The following PPP1R12B variants were observed in gnomAD, a reference collection of about 807,000 sequenced individuals.
PPP1R12B encodes the protein protein phosphatase 1 regulatory subunit 12B, also known as myosin phosphatase target subunit 2.
Under a neutral mutation model 126.1 loss-of-function variants are expected in PPP1R12B, and 76 were observed. The ratio of observed to expected loss-of-function variants is 0.60; its 90% CI spans 0.50 to 0.73. The LOEUF (loss-of-function observed/expected upper bound fraction) is 0.73. PPP1R12B is among the 30% of genes least tolerant of loss of function. The pLI, the probability that PPP1R12B is intolerant of heterozygous loss-of-function variation, is 0.00. For synonymous variants in PPP1R12B, 356 were observed against 434.7 expected, an observed-to-expected ratio of 0.82 and a Z score of 2.25; for missense variants, 1,052 against 1,205.1, an observed-to-expected ratio of 0.87 and a Z score of 1.88.
intron 12 of PPP1R12B, chr1:202,448,323 AGTCTGTGGT>A (rs1166882305): frequency 6.6e-6 from 1 of 152,210 alleles, no homozygotes; most frequent in Non-Finnish European, 1.5e-5. Context: ...GCTGTTGAAA[AGTCTGTGGT>A]TAAGGATACT....
intron 21 of PPP1R12B, among the ~76,000 whole-genome samples, chr1:202,566,050 A>G (rs1179195926): frequency 6.6e-6 from 1 of 152,202 alleles, no homozygotes; most frequent in Non-Finnish European, 1.5e-5. Context: ...TTTACAGAAA[A>G]TTAAAGAGCA....
chr1:202,370,828 G>T (rs9793138), intron 1 of PPP1R12B, among the ~76,000 whole-genome samples: 1 of 151,864 alleles, frequency 6.6e-6, no homozygotes. Context: ...ATCAGCCATC[G>T]TGCCCGGCTG....
chr1:202,528,088 A>G (rs1325517686), intron 18 of PPP1R12B, among the ~76,000 whole-genome samples: 1 of 152,186 alleles, frequency 6.6e-6, no homozygotes, highest in Non-Finnish European at 1.5e-5. Flanking sequence ...CTCAGTCGGT[A>G]TTATGACCAA....
At chr1:202,463,562 G>A (rs1314088856) in intron 13 of PPP1R12B, among the ~76,000 whole-genome samples, 1 of 152,190 alleles carries the variant, frequency 6.6e-6, no homozygotes, top group Admixed American at 6.5e-5. Context: ...AGGTGAAGGG[G>A]CAGATTGCAA....
intron 10 of PPP1R12B, chr1:202,438,722 C>G: frequency 1.5e-6 from 1 of 663,032 alleles, no homozygotes; most frequent in Admixed American, 2.1e-5. Flanking sequence ...GGTTACCGTG[C>G]ATTTTGCAGA....
Position 202,357,465 on chromosome 1 carries a change from G to T in PPP1R12B, c.291+8323G>T, listed in dbSNP as rs562549168. Among the ~76,000 whole-genome samples the T allele has an allele frequency of 9.8e-4, 149 of 152,086 alleles. 2 individuals carry two copies. The highest frequency in any genetic ancestry group is 3.5e-3 in the African/African-American group (145 of 41,498). ...CTTGTCTTTCTGTTGACTTTTGGGA[G>T]AAAAAATATAGATTTTCCATCAATA... is the stretch of plus-strand genomic sequence containing the variant. On this transcript the variant is annotated intron_variant, in intron 1 of 23. Transcript: ENST00000608999.
At chr1:202,435,724 A>G (rs1193596378) in intron 9 of PPP1R12B, among the ~76,000 whole-genome samples, 2 of 152,212 alleles carry the variant, frequency 1.3e-5, no homozygotes, top group Non-Finnish European at 2.9e-5. Flanking sequence ...CTGTGGTTAT[A>G]TAGGTATGAA....
rs1189831758 is a variant in PPP1R12B, at chr1:202,446,246, A to C, written c.1668-2743A>C. Among the ~76,000 whole-genome samples the C allele has an allele frequency of 2.1e-4, 11 of 52,326 alleles. 1 individual carries two copies. The South Asian group carries it at 2.5e-3, about 12-fold the overall frequency. The allele number at this position is 52,326 out of a possible 152,430, so 34.3% of individuals were successfully genotyped here. Reference sequence around the variant, plus strand: ...TCTCTCTCTCTCTCTCTATATATATATATATATATATTTTTTTTTTTTTTT... The same window carrying C: ...TCTCTCTCTCTCTCTCTATATATATCTATATATATATTTTTTTTTTTTTTT... On this transcript the variant is annotated intron_variant, in intron 12 of 23. Transcript: ENST00000608999.
intron 23 of PPP1R12B, chr1:202,576,645 A>G (rs542011526): frequency 3.3e-5 from 5 of 152,320 alleles, no homozygotes; most frequent in South Asian, 4.1e-4. Context: ...GGACCCCCCA[A>G]AAGGTGTCCC....
chr1:202,465,663 C>G (rs1322126105), intron 13 of PPP1R12B, among the ~76,000 whole-genome samples: 1 of 152,136 alleles, frequency 6.6e-6, no homozygotes, highest in Non-Finnish European at 1.5e-5. Flanking sequence ...TGGCTGACAG[C>G]AATTACCTGA....
At chr1:202,389,257 A>T (rs529611394) in intron 1 of PPP1R12B, among the ~76,000 whole-genome samples, 1 of 152,314 alleles carries the variant, frequency 6.6e-6, no homozygotes, top group South Asian at 2.1e-4. Flanking sequence ...AAAACATCCT[A>T]AAAAAAGTTG....
rs1170869930 is a variant in PPP1R12B, at chr1:202,382,347, C to T, written c.291+33205C>T. 1.1e-4 allele frequency among the ~76,000 whole-genome samples: 17 copies of T among 151,162 alleles called. 1 individual carries two copies. Among genetic ancestry groups the T allele is most frequent in the Middle Eastern group, 3.2e-3 (1 of 316 alleles). On this transcript the variant is annotated intron_variant, in intron 1 of 23. Transcript: ENST00000608999. ...AAATGATGAGTTAATGGGTGCAGTA[C>T]GCCAACATGGCACATGTATACATAT...
chr1:202,561,452 G>GT (rs1687523234), intron 19 of PPP1R12B, among the ~76,000 whole-genome samples: 1 of 151,898 alleles, frequency 6.6e-6, no homozygotes, highest in African/African-American at 2.4e-5. Context: ...GGTCATAGTG[G>GT]TAAGTATAGA....
intron 18 of PPP1R12B, among the ~76,000 whole-genome samples, chr1:202,500,218 GCTCTCTCTCT>G (rs151303629): frequency 6.8e-6 from 1 of 146,158 alleles, no homozygotes; most frequent in African/African-American, 2.5e-5. Flanking sequence ...TCTCTCTCTT[GCTCTCTCTCT>G]CTCTCTCTCT....
At chr1:202,537,084 C>T (rs1684618717) in intron 18 of PPP1R12B, among the ~76,000 whole-genome samples, 1 of 152,196 alleles carries the variant, frequency 6.6e-6, no homozygotes, top group Non-Finnish European at 1.5e-5. Context: ...CATAGTGGCT[C>T]ACGCCTGTAA....
At position 202,580,632 on chromosome 1, in the gene PPP1R12B, C is replaced by T; in HGVS notation, c.*72C>T. The T allele has an allele frequency of 7.1e-6, 9 of 1,272,264 alleles. No individual in the cohort carries two copies. Among genetic ancestry groups the T allele is most frequent in the Middle Eastern group, 1.9e-4 (1 of 5,388 alleles). The allele number at this position is 1,272,264 out of a possible 1,614,324, so 78.8% of individuals were successfully genotyped here. A position where few individuals can be genotyped will look rare whatever the true frequency, so the allele number is the denominator to read the frequency against. On this transcript the variant is annotated 3_prime_UTR_variant, in exon 24 of 24. Transcript: ENST00000608999. ...CCCCACCCCTCTTTTCCAGTCCTTG[C>T]CTTCCAACCAAAAGAAATGGATGTT...
At chr1:202,557,825 A>G (rs918226441) in intron 18 of PPP1R12B, among the ~76,000 whole-genome samples, 6 of 152,176 alleles carry the variant, frequency 3.9e-5, no homozygotes, top group Non-Finnish European at 5.9e-5. Flanking sequence ...AGGTGACTCT[A>G]TTCAGTCCTC....
intron 18 of PPP1R12B, among the ~76,000 whole-genome samples, chr1:202,540,980 T>C (rs1260212196): frequency 1.3e-5 from 2 of 152,230 alleles, no homozygotes; most frequent in Non-Finnish European, 2.9e-5. Flanking sequence ...GAGATTTACA[T>C]ATGGGCATTT....
At chr1:202,555,325 G>GAAAAAAAAA (rs56752885) in intron 18 of PPP1R12B, among the ~76,000 whole-genome samples, 2,472 of 25,384 alleles carry the variant, frequency 0.097, 761 homozygotes, top group East Asian at 0.27. Context: ...CTGTTTTAAT[G>GAAAAAAAAA]AAAAAAAAAA....
Sources: gnomAD v4.1 joint callset for allele counts (sites outside exome capture counted in the v4.1 genomes callset) on GRCh38, gnomAD v4.1.1 for gene constraint, MANE v1.5 for transcripts, NCBI Gene and HGNC (gene_info 2026-07-23, HGNC 2026-07-21) for gene names.